The following XKR4 variants were observed in gnomAD, a reference collection of about 807,000 sequenced individuals.
The protein encoded by XKR4 is XK-related protein 4.
Under a neutral mutation model 53.9 loss-of-function variants are expected in XKR4, and 12 were observed. The observed-to-expected ratio is 0.22, with a 90% CI of 0.14 to 0.36. The LOEUF (loss-of-function observed/expected upper bound fraction) is 0.36, where lower values mean the gene tolerates loss of function less well. XKR4 is among the 10% of genes least tolerant of loss of function. The pLI is 1.00. For missense variants in XKR4, 799 were observed against 859.5 expected, an observed-to-expected ratio of 0.93 and a Z score of 0.88; for synonymous variants, 354 against 362.4, an observed-to-expected ratio of 0.98 and a Z score of 0.26.
intron 1 of XKR4, among the ~76,000 whole-genome samples, chr8:55,133,900 T>G (rs907780571): frequency 6.6e-6 from 1 of 152,220 alleles, no homozygotes; most frequent in Admixed American, 6.5e-5. Context: ...AAGTTAATAT[T>G]GTTAGAAGCT....
intron 1 of XKR4, among the ~76,000 whole-genome samples, chr8:55,145,302 G>A (rs913987508): frequency 2.0e-5 from 3 of 152,040 alleles, no homozygotes; most frequent in Non-Finnish European, 4.4e-5. Flanking sequence ...CTTCTTGAAT[G>A]CTCCTCTGAC....
At chr8:55,352,870 G>C (rs1473481808) in intron 1 of XKR4, among the ~76,000 whole-genome samples, 1 of 152,174 alleles carries the variant, frequency 6.6e-6, no homozygotes, top group Non-Finnish European at 1.5e-5. Flanking sequence ...CCAGAATATA[G>C]TTACCAGATG....
rs1804488019 is a variant in XKR4 at position 55,394,510 on chromosome 8, C to T, written c.1006+36633C>T. On this transcript the variant is annotated intron_variant, in intron 2 of 2. Coordinates refer to ENST00000327381, the MANE Select transcript of XKR4 (RefSeq NM_052898.2). ...TTTAATAAGACATGGTTTTGACTTA[C>T]ACCGTACACTGATTCATAGAACAAA... Among the ~76,000 whole-genome samples, 3 of 152,172 alleles carry T rather than the reference C, an allele frequency of 2.0e-5. No individual in the cohort carries two copies. In the South Asian group the frequency reaches 6.2e-4, roughly 32 times the overall value.
intron 2 of XKR4, among the ~76,000 whole-genome samples, chr8:55,455,372 T>C (rs1015214647): frequency 6.6e-6 from 1 of 152,122 alleles, no homozygotes; most frequent in Non-Finnish European, 1.5e-5. Flanking sequence ...AGCAGGAATC[T>C]GTGGCCCTCT....
At chr8:55,385,102 A>G (rs539847174) in intron 2 of XKR4, among the ~76,000 whole-genome samples, 2 of 152,320 alleles carry the variant, frequency 1.3e-5, no homozygotes, top group South Asian at 4.2e-4. Context: ...CATTGGCAAT[A>G]TGCTCTAAGG....
chr8:55,325,076 T>C (rs1803273770), intron 1 of XKR4, among the ~76,000 whole-genome samples: 1 of 152,168 alleles, frequency 6.6e-6, no homozygotes, highest in Non-Finnish European at 1.5e-5. Context: ...GTATTTTATG[T>C]GCCACAAAAT....
chr8:55,311,085 T>C (rs1490729926), intron 1 of XKR4, among the ~76,000 whole-genome samples: 1 of 152,206 alleles, frequency 6.6e-6, no homozygotes, highest in African/African-American at 2.4e-5. Context: ...TCCAGCTGCC[T>C]GAGGGCAGCC....
chr8:55,513,745 T>C (rs1806666018), intron 2 of XKR4, among the ~76,000 whole-genome samples: 1 of 152,264 alleles, frequency 6.6e-6, no homozygotes, highest in Non-Finnish European at 1.5e-5. Context: ...CAGCACCACC[T>C]ATGCCCATAC....
At chr8:55,478,295 A>C (rs1039525958) in intron 2 of XKR4, among the ~76,000 whole-genome samples, 9 of 152,094 alleles carry the variant, frequency 5.9e-5, no homozygotes, top group Admixed American at 5.9e-4. Context: ...TATCCAGCCA[A>C]ACTAAGCTTC....
Position 55,473,856 on chromosome 8 carries a change from G to T in XKR4, c.1007-49425G>T, listed in dbSNP as rs185740058. Among the ~76,000 whole-genome samples the T allele has an allele frequency of 5.0e-3, 722 of 145,758 alleles. 19 individuals are homozygous for T. The highest frequency in any genetic ancestry group is 0.035 in the Admixed American group (503 of 14,416). Reference sequence around the variant, plus strand: ...TTTTCTTTTCTTTTTCTTCCTTCCTGTCTCTCTCCCCACCCCACCTTCCTC... The same window carrying T: ...TTTTCTTTTCTTTTTCTTCCTTCCTTTCTCTCTCCCCACCCCACCTTCCTC... On this transcript the variant is annotated intron_variant, in intron 2 of 2. Coordinates refer to ENST00000327381, the MANE Select transcript of XKR4 (RefSeq NM_052898.2).
intron 2 of XKR4, chr8:55,450,228 G>A (rs1805415585): frequency 1.6e-6 from 1 of 635,462 alleles, no homozygotes; most frequent in East Asian, 3.1e-5. Context: ...TCTGGGGAGC[G>A]CCTCCGTCAA....
In XKR4 at chr8:55,349,180, C is replaced by G. The variant is rs990450908; in HGVS notation, c.807-8498C>G. Among the ~76,000 whole-genome samples the G allele has an allele frequency of 3.6e-4, 55 of 152,202 alleles. No homozygotes were observed. The East Asian group carries it at 9.8e-3, about 27-fold the overall frequency. On this transcript the variant is annotated intron_variant, in intron 1 of 2. Transcript: ENST00000327381. ...AGTCATTTTTTAACAGGATGGAAAC[C>G]TAAAGTTTAGAAATTAGAAAGTAAT...
chr8:55,164,729 C>G (rs1817041261), intron 1 of XKR4: 3 of 251,888 alleles, frequency 1.2e-5, no homozygotes, highest in African/African-American at 6.7e-5. Context: ...ATACCATTAC[C>G]AATTGTTTTC....
intron 1 of XKR4, among the ~76,000 whole-genome samples, chr8:55,239,923 T>C (rs1818185602): frequency 6.6e-6 from 1 of 152,198 alleles, no homozygotes; most frequent in African/African-American, 2.4e-5. Context: ...CTTGACCTAA[T>C]GGTCTCTCCC....
chr8:55,453,809 T>A (rs2929045), intron 2 of XKR4: 180,151 of 448,038 alleles, frequency 0.4, 38,423 homozygotes, highest in East Asian at 0.49. Context: ...TTGGGGGTGG[T>A]TCTCATCCAC....
chr8:55,142,785 A>G (rs1816723480), intron 1 of XKR4, among the ~76,000 whole-genome samples: 1 of 152,192 alleles, frequency 6.6e-6, no homozygotes, highest in Non-Finnish European at 1.5e-5. Flanking sequence ...CTTTTATTGC[A>G]TGTATGCGTG....
chr8:55,468,232 T>C (rs2129399549), intron 2 of XKR4, among the ~76,000 whole-genome samples: 1 of 152,116 alleles, frequency 6.6e-6, no homozygotes, highest in East Asian at 1.9e-4. Flanking sequence ...GTATCATTCC[T>C]CTAAATGACT....
chr8:55,514,946 ATT>A (rs1806688756), intron 2 of XKR4, among the ~76,000 whole-genome samples: 1 of 152,208 alleles, frequency 6.6e-6, no homozygotes, highest in Non-Finnish European at 1.5e-5. Flanking sequence ...TTCTTGAGAA[ATT>A]TTAATAAAAA....
Position 55,141,977 on chromosome 8 carries a change from C to T in XKR4, c.806+38683C>T. The T allele has an allele frequency of 1.4e-5, 6 of 422,854 alleles. 1 individual carries two copies. Among genetic ancestry groups the T allele is most frequent in the South Asian group, 8.5e-5 (5 of 58,526 alleles). The allele number at this position is 422,854 out of a possible 1,614,324, so 26.2% of individuals were successfully genotyped here. A position where few individuals can be genotyped will look rare whatever the true frequency, so the allele number is the denominator to read the frequency against. On this transcript the variant is annotated intron_variant, in intron 1 of 2. Transcript: ENST00000327381. The stretch of plus-strand genomic sequence containing the variant: ...AGACCCTTCCCCAGGCCCCGCCTCT[C>T]TATTTCCAGGGGTGATAAAGCCATC...
Sources: gnomAD v4.1 joint callset for allele counts (sites outside exome capture counted in the v4.1 genomes callset) on GRCh38, gnomAD v4.1.1 for gene constraint, MANE v1.5 for transcripts, NCBI Gene and HGNC (gene_info 2026-07-23, HGNC 2026-07-21) for gene names.